Variants in KCNK2 observed in about 807,000 individuals in gnomAD.
KCNK2 encodes potassium two pore domain channel subfamily K member 2.
Under a neutral mutation model 40.5 loss-of-function variants are expected in KCNK2, and 21 were observed. The observed-to-expected ratio is 0.52, with a 90% CI of 0.37 to 0.75. KCNK2 has a LOEUF of 0.75. KCNK2 is among the 30% of genes least tolerant of loss of function. KCNK2 has a pLI of 0.00. For synonymous variants in KCNK2, 191 were observed against 202.2 expected (o/e 0.94, Z 0.47); for missense variants, 399 against 531.6 (o/e 0.75, Z 2.45).
chr1:215,209,331 TATATATATA>T (rs1258838786), intron 6 of KCNK2, among the ~76,000 whole-genome samples: 4 of 94,746 alleles, frequency 4.2e-5, no homozygotes, highest in Non-Finnish European at 7.6e-5. Flanking sequence ...CACATATTTT[TATATATATA>T]ATATATATAT....
At chr1:215,013,742 A>G (rs1303305635) in intron 1 of KCNK2, among the ~76,000 whole-genome samples, 1 of 152,192 alleles carries the variant, frequency 6.6e-6, no homozygotes, top group Admixed American at 6.5e-5. Context: ...ATATAAATAT[A>G]TGTTGGATTG....
upstream of KCNK2, among the ~76,000 whole-genome samples, chr1:215,078,286 C>A (rs1057020108): frequency 7.9e-5 from 12 of 152,146 alleles, no homozygotes; most frequent in South Asian, 4.1e-4. Flanking sequence ...CAGGAGCTCC[C>A]CTGGTTCATA....
chr1:215,036,983 T>C (rs1185697614), intron 1 of KCNK2, among the ~76,000 whole-genome samples: 6 of 148,030 alleles, frequency 4.1e-5, no homozygotes, highest in African/African-American at 7.4e-5. Context: ...TTCCTTTTCA[T>C]TCTTAATGCC....
intron 3 of KCNK2, among the ~76,000 whole-genome samples, chr1:215,167,959 T>C (rs1663521553): frequency 6.6e-6 from 1 of 152,088 alleles, no homozygotes; most frequent in South Asian, 2.1e-4. Context: ...AGAAAATTTT[T>C]GCAATCTACC....
chr1:215,083,228 T>G lies in KCNK2; in HGVS notation c.-158T>G. On this transcript the variant is annotated 5_prime_UTR_variant, in exon 1 of 7. Coordinates refer to ENST00000444842, the MANE Select transcript of KCNK2 (RefSeq NM_001017425.3). Reference sequence around the variant, plus strand: ...CGCCCCCTCCCGCGTCCAGCCCCGCTCTCCCCACCTTGTAAAACAAAGCCG... The same window carrying G: ...CGCCCCCTCCCGCGTCCAGCCCCGCGCTCCCCACCTTGTAAAACAAAGCCG... The G allele has an allele frequency of 1.6e-6, 1 of 638,608 alleles. No homozygotes were observed. 39.6% of individuals were successfully genotyped at this position (638,608 alleles called of 1,614,324 possible). A position where few individuals can be genotyped will look rare whatever the true frequency, so the allele number is the denominator to read the frequency against.
chr1:215,040,913 C>G (rs1412737347), intron 1 of KCNK2, among the ~76,000 whole-genome samples: 4 of 152,140 alleles, frequency 2.6e-5, no homozygotes, highest in Non-Finnish European at 5.9e-5. Context: ...GTGGAGGGCT[C>G]TTTAGTCGCT....
chr1:215,188,115 A>G (rs1038430159), intron 5 of KCNK2, among the ~76,000 whole-genome samples: 1 of 152,156 alleles, frequency 6.6e-6, no homozygotes, highest in Non-Finnish European at 1.5e-5. Context: ...AACCATCCAA[A>G]TACATCATCA....
intron 1 of KCNK2, among the ~76,000 whole-genome samples, chr1:215,055,269 C>G (rs923225757): frequency 3.3e-5 from 5 of 152,312 alleles, no homozygotes; most frequent in African/African-American, 1.2e-4. Flanking sequence ...GTCCCAATCA[C>G]TGTTTGCAAT....
At chr1:215,173,298 C>T (rs1429914776) in intron 5 of KCNK2, among the ~76,000 whole-genome samples, 1 of 152,170 alleles carries the variant, frequency 6.6e-6, no homozygotes, top group African/African-American at 2.4e-5. Flanking sequence ...AGGACATGAA[C>T]TCATCCTCTT....
At chr1:215,017,063 G>A (rs770385269) in intron 1 of KCNK2, among the ~76,000 whole-genome samples, 17 of 151,966 alleles carry the variant, frequency 1.1e-4, no homozygotes, top group Admixed American at 2.6e-4. Context: ...CTATCAGAAT[G>A]GCTATTATCA....
At chr1:215,130,916 A>G (rs1346279429) in intron 3 of KCNK2, among the ~76,000 whole-genome samples, 3 of 151,908 alleles carry the variant, frequency 2.0e-5, no homozygotes, top group Admixed American at 6.6e-5. Context: ...GCCGGATTGC[A>G]GTGGCACAAT....
intron 1 of KCNK2, among the ~76,000 whole-genome samples, chr1:215,031,062 G>A (rs768693944): frequency 6.6e-6 from 1 of 151,988 alleles, no homozygotes; most frequent in African/African-American, 2.4e-5. Flanking sequence ...ATATCTATAT[G>A]GGTCTGTTTC....
At chr1:215,035,285 G>T (rs1657346363) in intron 1 of KCNK2, among the ~76,000 whole-genome samples, 1 of 152,032 alleles carries the variant, frequency 6.6e-6, no homozygotes, top group Admixed American at 6.6e-5. Flanking sequence ...TTATAAGTTT[G>T]CAGAGTTCAC....
chr1:215,153,564 T>TTA (rs67611651), intron 3 of KCNK2, among the ~76,000 whole-genome samples: 3,513 of 146,112 alleles, frequency 0.024, 53 homozygotes, highest in Non-Finnish European at 0.032. Flanking sequence ...TATAGCGTTG[T>TTA]TATATATATA....
chr1:215,068,594 A>G (rs931671200), intron 1 of KCNK2, among the ~76,000 whole-genome samples: 2 of 152,130 alleles, frequency 1.3e-5, no homozygotes, highest in African/African-American at 4.8e-5. Flanking sequence ...AATATAATTT[A>G]TTCTATTAAT....
chr1:215,160,338 A>G (rs1368914098), intron 3 of KCNK2, among the ~76,000 whole-genome samples: 1 of 152,236 alleles, frequency 6.6e-6, no homozygotes, highest in Admixed American at 6.5e-5. Context: ...GTGCGAAAGC[A>G]AAGTGGGAAA....
At chr1:215,123,975 A>G (rs545542994) in intron 2 of KCNK2, among the ~76,000 whole-genome samples, 85 of 152,282 alleles carry the variant, frequency 5.6e-4, no homozygotes, top group African/African-American at 1.9e-3. Flanking sequence ...AGTGGTCTCT[A>G]TGTAATATTG....
intron 3 of KCNK2, among the ~76,000 whole-genome samples, chr1:215,142,412 A>C (rs906508428): frequency 6.6e-6 from 1 of 152,164 alleles, no homozygotes. Context: ...ATAGACAAAA[A>C]TTTAGTTAGA....
At chr1:215,099,155 A>G (rs903506405) in intron 2 of KCNK2, among the ~76,000 whole-genome samples, 10 of 151,802 alleles carry the variant, frequency 6.6e-5, no homozygotes, top group African/African-American at 2.4e-4. Context: ...TCCTGATTCT[A>G]TCCCTCAGCC....
Sources: allele counts gnomAD v4.1 joint callset (sites outside exome capture counted in the v4.1 genomes callset), GRCh38; gene constraint gnomAD v4.1.1; transcripts MANE v1.5; gene names NCBI Gene and HGNC (gene_info 2026-07-23, HGNC 2026-07-21).